The following DAP variants were observed in gnomAD, a reference collection of about 807,000 sequenced individuals.
DAP encodes the protein death-associated protein 1.
A neutral mutation model predicts 13.8 loss-of-function variants in DAP; 8 were observed. The ratio of observed to expected loss-of-function variants is 0.58; its 90% CI spans 0.34 to 1.05. The LOEUF is 1.05. Ranked by LOEUF, DAP falls within the 50% of genes least tolerant of loss-of-function variation. The pLI is 0.03. For synonymous variants in DAP, 47 were observed against 47.5 expected, an observed-to-expected ratio of 0.99 and a Z score of 0.04; for missense variants, 106 against 133.2, an observed-to-expected ratio of 0.80 and a Z score of 1.01.
chr5:10,692,986 A>C (rs1223599418), intron 2 of DAP, among the ~76,000 whole-genome samples: 1 of 152,134 alleles, frequency 6.6e-6, no homozygotes, highest in Non-Finnish European at 1.5e-5. Context: ...TTCACCCCAA[A>C]ATAGGATTCT....
At chr5:10,738,550 T>G (rs1197685553) in intron 2 of DAP, among the ~76,000 whole-genome samples, 1 of 152,228 alleles carries the variant, frequency 6.6e-6, no homozygotes. Context: ...TCAGAAAAAT[T>G]GAACTGAGGA....
intron 3 of DAP, 25 bp downstream of exon 3, chr5:10,683,504 C>T (rs944647574): frequency 2.5e-6 from 4 of 1,613,306 alleles, no homozygotes; most frequent in Non-Finnish European, 3.4e-6. Context: ...AGCCTCAAAC[C>T]CACCGCAGAC....
chr5:10,694,496 TG>T (rs1738385858), intron 2 of DAP, among the ~76,000 whole-genome samples: 1 of 152,150 alleles, frequency 6.6e-6, no homozygotes, highest in African/African-American at 2.4e-5. Flanking sequence ...TGGCGGGCTC[TG>T]TGCTTTCCTG....
At chr5:10,729,896 G>A (rs1473057650) in intron 2 of DAP, among the ~76,000 whole-genome samples, 2 of 152,224 alleles carry the variant, frequency 1.3e-5, no homozygotes, top group African/African-American at 2.4e-5. Context: ...GTGGGCCCAC[G>A]AGGACCCTGC....
At chr5:10,721,379 T>C (rs1739136695) in intron 2 of DAP, among the ~76,000 whole-genome samples, 1 of 152,284 alleles carries the variant, frequency 6.6e-6, no homozygotes, top group South Asian at 2.1e-4. Flanking sequence ...GACACAACAA[T>C]GATTCCATTA....
At position 10,683,621 on chromosome 5, in the gene DAP, G is replaced by C. The variant is rs1031677343; in HGVS notation, c.153-50C>G. On this transcript the variant is annotated intron_variant, in intron 2 of 3. Transcript: ENST00000230895. ...AGATTTAACAAAACAGTCCACAACA[G>C]GGAACACGGTGGCAGACGATGTGTA... The C allele has an allele frequency of 2.5e-6, 4 of 1,580,100 alleles. No homozygotes were observed. In the Admixed American group the frequency reaches 6.7e-5, roughly 26 times the overall value.
chr5:10,746,145 G>A (rs532626297), intron 2 of DAP, among the ~76,000 whole-genome samples: 1 of 152,228 alleles, frequency 6.6e-6, no homozygotes, highest in South Asian at 2.1e-4. Context: ...TATATGCAAG[G>A]TTTTATTCTC....
intron 2 of DAP, among the ~76,000 whole-genome samples, chr5:10,696,950 A>G (rs1738451999): frequency 6.6e-6 from 1 of 152,240 alleles, no homozygotes; most frequent in Non-Finnish European, 1.5e-5. Flanking sequence ...AACAGTATAA[A>G]GCAGCAAAAA....
At chr5:10,717,127 T>C (rs1210625621) in intron 2 of DAP, among the ~76,000 whole-genome samples, 4 of 152,222 alleles carry the variant, frequency 2.6e-5, no homozygotes, top group Non-Finnish European at 4.4e-5. Flanking sequence ...ATAATGCAGC[T>C]TGTTGGTTGC....
At chr5:10,722,001 A>G (rs1221059496) in intron 2 of DAP, among the ~76,000 whole-genome samples, 1 of 152,186 alleles carries the variant, frequency 6.6e-6, no homozygotes, top group Non-Finnish European at 1.5e-5. Flanking sequence ...TGGTAGTACA[A>G]AGGATAGTTG....
intron 2 of DAP, among the ~76,000 whole-genome samples, chr5:10,693,655 G>C (rs891873255): frequency 1.3e-5 from 2 of 152,150 alleles, no homozygotes; most frequent in Non-Finnish European, 2.9e-5. Flanking sequence ...TTGGAACGAG[G>C]GCTGTATAGT....
chr5:10,703,502 C>T (rs1403969018), intron 2 of DAP, among the ~76,000 whole-genome samples: 1 of 152,120 alleles, frequency 6.6e-6, no homozygotes, highest in African/African-American at 2.4e-5. Flanking sequence ...TTTTAGTATT[C>T]TGGAAGCATC....
chr5:10,712,004 C>T (rs1360036914), intron 2 of DAP, among the ~76,000 whole-genome samples: 1 of 152,134 alleles, frequency 6.6e-6, no homozygotes, highest in Non-Finnish European at 1.5e-5. Context: ...ATGTTGAAGT[C>T]CTAACTCCCA....
intron 2 of DAP, among the ~76,000 whole-genome samples, chr5:10,716,649 T>C (rs973827309): frequency 2.6e-5 from 4 of 152,158 alleles, no homozygotes; most frequent in African/African-American, 7.2e-5. Context: ...CCCTCAAACA[T>C]TGGACTCCAG....
chr5:10,706,621 T>TAATC (rs1467036426), intron 2 of DAP, among the ~76,000 whole-genome samples: 1 of 152,234 alleles, frequency 6.6e-6, no homozygotes, highest in African/African-American at 2.4e-5. Flanking sequence ...CTCACTTTAC[T>TAATC]AATCAGTGAC....
At chr5:10,735,951 C>G (rs1358464714) in intron 2 of DAP, among the ~76,000 whole-genome samples, 1 of 152,184 alleles carries the variant, frequency 6.6e-6, no homozygotes, top group Non-Finnish European at 1.5e-5. Context: ...TATCTACAAA[C>G]AGGGTTGTTG....
chr5:10,690,406 T>G (rs1032741254), intron 2 of DAP, among the ~76,000 whole-genome samples: 6 of 151,924 alleles, frequency 3.9e-5, no homozygotes, highest in Non-Finnish European at 8.8e-5. Context: ...TATCATCACC[T>G]TTATCTATTT....
chr5:10,722,141 T>C (rs986514529), intron 2 of DAP, among the ~76,000 whole-genome samples: 1 of 152,168 alleles, frequency 6.6e-6, no homozygotes, highest in African/African-American at 2.4e-5. Context: ...CTTGATTGGA[T>C]TGAAGGATGC....
At chr5:10,682,667 T>C (rs1401387427) in intron 3 of DAP, among the ~76,000 whole-genome samples, 1 of 152,182 alleles carries the variant, frequency 6.6e-6, no homozygotes, top group East Asian at 1.9e-4. Context: ...CTTGTGGGTG[T>C]TAGGGGGCCT....
Sources: gnomAD v4.1 joint callset for allele counts (sites outside exome capture counted in the v4.1 genomes callset) on GRCh38, gnomAD v4.1.1 for gene constraint, MANE v1.5 for transcripts, NCBI Gene and HGNC (gene_info 2026-07-23, HGNC 2026-07-21) for gene names.